The following GNPNAT1 variants were observed in gnomAD, a reference collection of about 807,000 sequenced individuals.
The protein encoded by GNPNAT1 is glucosamine 6-phosphate N-acetyltransferase.
In GNPNAT1, 11 loss-of-function variants were observed where a neutral mutation model predicts 19.8. The ratio of observed to expected loss-of-function variants is 0.56; its 90% CI spans 0.35 to 0.92. GNPNAT1 has a LOEUF of 0.92. Ranked by LOEUF, GNPNAT1 falls within the 40% of genes least tolerant of loss-of-function variation. The probability of loss-of-function intolerance (pLI) is 0.01; values close to 1 mark genes in which losing one functional copy is unlikely to be tolerated. For missense variants in GNPNAT1, 157 were observed against 211.0 expected, an observed-to-expected ratio of 0.74 and a Z score of 1.59; for synonymous variants, 71 against 72.3, an observed-to-expected ratio of 0.98 and a Z score of 0.09.
chr14:52,778,352 C>T lies in GNPNAT1; in HGVS notation c.514G>A (p.Val172Ile), dbSNP rs911639212. 6.2e-7 allele frequency: 1 copy of T among 1,602,482 alleles called. No homozygotes were observed. The highest frequency in any genetic ancestry group is 8.5e-7 in the Non-Finnish European group (1 of 1,176,884). ...CGACACATGTAGTTTTCTTCAGATA[C>T]AGTATATCCAAACTTTTTATAGAAA... ...VGFYKKFGYT[V>I]SEENYMCRRF... Residue 172 changes from valine (V) to isoleucine (I), a missense_variant, in exon 6 of 6, where the codon GTA becomes ATA. By Grantham distance (29) the Val-to-Ile change is conservative. Coordinates refer to ENST00000216410, the MANE Select transcript of GNPNAT1 (RefSeq NM_198066.4).
At chr14:52,778,556 CT>C in intron 5 of GNPNAT1, 98 bp from the exon 6 acceptor site, 1 of 1,057,566 alleles carries the variant, frequency 9.5e-7, no homozygotes, top group African/African-American at 1.7e-5. Context: ...CTTAAGTTTC[CT>C]TAGAAACAGG....
chr14:52,787,790 A>G (rs1385574028), intron 1 of GNPNAT1: 1 of 152,116 alleles, frequency 6.6e-6, no homozygotes, highest in East Asian at 2.0e-4. Context: ...TTAGCAATAA[A>G]TTTAAAATTA....
chr14:52,777,064 T>C lies in GNPNAT1; in HGVS notation c.*1247A>G, dbSNP rs938564703. On this transcript the variant is annotated 3_prime_UTR_variant, in exon 6 of 6. Transcript: ENST00000216410. Reference sequence around the variant, plus strand: ...ATTTCTGTTGTTTTGGAAAGCCAACTATAGCTGGCTGCATGGAGGGAAATC... The same window carrying C: ...ATTTCTGTTGTTTTGGAAAGCCAACCATAGCTGGCTGCATGGAGGGAAATC... The C allele has an allele frequency of 1.3e-5, 2 of 152,250 alleles. No individual in the cohort carries two copies. Among genetic ancestry groups the C allele is most frequent in the Non-Finnish European group, 2.9e-5 (2 of 68,042 alleles). 9.4% of individuals were successfully genotyped at this position (152,250 alleles called of 1,614,324 possible).
Position 52,778,035 on chromosome 14 carries a change from T to C in GNPNAT1, c.*276A>G. On this transcript the variant is annotated 3_prime_UTR_variant, in exon 6 of 6. Coordinates refer to ENST00000216410, the MANE Select transcript of GNPNAT1 (RefSeq NM_198066.4). ...TGACTACCAAGAAAGGAAGCCAAAC[T>C]TTTAGAAAAATACAATGCAAGAAAA... 1 of 207,576 alleles carries C rather than the reference T, an allele frequency of 4.8e-6. No homozygotes were observed. The highest frequency in any genetic ancestry group is 9.5e-6 in the Non-Finnish European group (1 of 105,670). 12.9% of individuals were successfully genotyped at this position (207,576 alleles called of 1,614,324 possible).
intron 3 of GNPNAT1, among the ~76,000 whole-genome samples, chr14:52,782,396 G>A (rs142938711): frequency 2.0e-3 from 297 of 152,124 alleles, no homozygotes; most frequent in African/African-American, 7.0e-3. Flanking sequence ...CCTTTGTGAT[G>A]GAAAGTGTTT....
At chr14:52,781,716 T>C in intron 4 of GNPNAT1, 68 bp downstream of exon 4, 1 of 1,435,436 alleles carries the variant, frequency 7.0e-7, no homozygotes, top group Non-Finnish European at 9.4e-7. Flanking sequence ...AACAGATTTG[T>C]CTAATGGAAA....
rs957079679 is a variant in GNPNAT1 at position 52,775,996 on chromosome 14, T to C, written c.*2315A>G. On this transcript the variant is annotated 3_prime_UTR_variant, in exon 6 of 6. Transcript: ENST00000216410. ...AGTTAAGAGACCAGCCTGGGCAACATAGACTCCACACAAAAAATTTTTTTA... is the reference window on the plus strand; with the variant it reads ...AGTTAAGAGACCAGCCTGGGCAACACAGACTCCACACAAAAAATTTTTTTA... 9 of 152,264 alleles carry C rather than the reference T, an allele frequency of 5.9e-5. No individual in the cohort carries two copies. The highest frequency in any genetic ancestry group is 3.9e-4 in the East Asian group (2 of 5,178). The allele number at this position is 152,264 out of a possible 1,614,324, so 9.4% of individuals were successfully genotyped here. A position where few individuals can be genotyped will look rare whatever the true frequency, so the allele number is the denominator to read the frequency against.
chr14:52,783,432 G>T lies in GNPNAT1; in HGVS notation c.208C>A (p.Gln70Lys). The change falls in exon 3 of 6, where the codon CAA becomes AAA. Residue 70 changes from glutamine (Q) to lysine (K), a missense_variant. By Grantham distance (53) the Gln-to-Lys change is moderately conservative (BLOSUM62 1). Transcript: ENST00000216410. Reference sequence around the variant, plus strand: ...AGGTTATAGTACTTACTCATAAATTGTTCAGGGCTGACAACTCCAGTCTCT... The same window carrying T: ...AGGTTATAGTACTTACTCATAAATTTTTCAGGGCTGACAACTCCAGTCTCT... ...LTETGVVSPE[Q>K]FMKSFEHMKK... 1 of 1,606,098 alleles carries T rather than the reference G, an allele frequency of 6.2e-7. No homozygotes were observed. The highest frequency in any genetic ancestry group is 1.7e-5 in the Admixed American group (1 of 59,852).
chr14:52,776,007 C>G lies in GNPNAT1; in HGVS notation c.*2304G>C, dbSNP rs151164776. On this transcript the variant is annotated 3_prime_UTR_variant, in exon 6 of 6. Coordinates refer to ENST00000216410, the MANE Select transcript of GNPNAT1 (RefSeq NM_198066.4). ...CAGCCTGGGCAACATAGACTCCACA[C>G]AAAAAATTTTTTTAATTAGCTGGGT... 2 of 152,114 alleles carry G rather than the reference C, an allele frequency of 1.3e-5. No individual in the cohort carries two copies. Among genetic ancestry groups the G allele is most frequent in the African/African-American group, 4.8e-5 (2 of 41,374 alleles). The allele number at this position is 152,114 out of a possible 1,614,324, so 9.4% of individuals were successfully genotyped here.
intron 3 of GNPNAT1, 48 bp from the exon 4 acceptor site, chr14:52,781,959 A>C (rs766638709): frequency 1.3e-6 from 2 of 1,507,632 alleles, no homozygotes; most frequent in Non-Finnish European, 1.8e-6. Flanking sequence ...ATTCAATTTT[A>C]TGGGGAGCCA....
rs534437138 is a variant in GNPNAT1 at position 52,788,241 on chromosome 14, T to C, written c.-15+3187A>G. On this transcript the variant is annotated intron_variant, in intron 1 of 5. Transcript: ENST00000216410. ...GCTCAAGTGATCCTCCTACCTCAGC[T>C]TCCCACATCAGCCTCCAGAGTAGTT... 3.3e-5 allele frequency among the ~76,000 whole-genome samples: 5 copies of C among 152,064 alleles called. No individual in the cohort carries two copies. The South Asian group carries it at 1.0e-3, about 32-fold the overall frequency.
Position 52,790,343 on chromosome 14 carries a change from G to A in GNPNAT1, c.-15+1085C>T, listed in dbSNP as rs531919496. Among the ~76,000 whole-genome samples, 3 of 152,202 alleles carry A rather than the reference G, an allele frequency of 2.0e-5. No individual in the cohort carries two copies. The South Asian group carries it at 6.2e-4, about 31-fold the overall frequency. On this transcript the variant is annotated intron_variant, in intron 1 of 5. Coordinates refer to ENST00000216410, the MANE Select transcript of GNPNAT1 (RefSeq NM_198066.4). ...AACCTTCTAAGTACAGGTGAATGGG[G>A]GAGGGGCGGACTTCGGATTCCTTTA...
At chr14:52,789,528 A>G (rs917280221) in intron 1 of GNPNAT1, among the ~76,000 whole-genome samples, 28 of 152,162 alleles carry the variant, frequency 1.8e-4, no homozygotes, top group Non-Finnish European at 2.8e-4. Flanking sequence ...GCTATTCTAC[A>G]AAACAGAGCC....
At chr14:52,787,820 C>A (rs1330632533) in intron 1 of GNPNAT1, 1 of 151,528 alleles carries the variant, frequency 6.6e-6, no homozygotes. Context: ...AATTCTTGTT[C>A]ATTTTTTTTT....
Position 52,775,281 on chromosome 14 carries a change from G to A in GNPNAT1, c.*3030C>T, listed in dbSNP as rs578099249. ...GAATCGTGTTTAAAGGAAAGGGTAG[G>A]TCATCCACAGAACAGCTTTCAGTCA... is the stretch of plus-strand genomic sequence containing the variant. On this transcript the variant is annotated 3_prime_UTR_variant, in exon 6 of 6. Coordinates refer to ENST00000216410, the MANE Select transcript of GNPNAT1 (RefSeq NM_198066.4). 6.6e-6 allele frequency: 1 copy of A among 152,102 alleles called. No homozygotes were observed. The highest frequency in any genetic ancestry group is 1.9e-4 in the East Asian group (1 of 5,158). The allele number at this position is 152,102 out of a possible 1,614,324, so 9.4% of individuals were successfully genotyped here.
chr14:52,785,233 C>T (rs1271408243), intron 1 of GNPNAT1, among the ~76,000 whole-genome samples: 1 of 151,926 alleles, frequency 6.6e-6, no homozygotes, highest in African/African-American at 2.4e-5. Context: ...CGGCTATTAT[C>T]AGGTCTTTTA....
chr14:52,779,568 A>G (rs1040424002), intron 5 of GNPNAT1, among the ~76,000 whole-genome samples: 1 of 151,816 alleles, frequency 6.6e-6, no homozygotes, highest in African/African-American at 2.4e-5. Context: ...TCTCTATAAA[A>G]AATTAGCTGG....
intron 5 of GNPNAT1, among the ~76,000 whole-genome samples, chr14:52,779,595 C>T (rs1397446278): frequency 6.6e-6 from 1 of 151,752 alleles, no homozygotes; most frequent in Non-Finnish European, 1.5e-5. Context: ...CGGCATGCAC[C>T]TGTAGTCCCA....
chr14:52,786,830 T>A (rs1490868572), intron 1 of GNPNAT1, among the ~76,000 whole-genome samples: 1 of 148,478 alleles, frequency 6.7e-6, no homozygotes, highest in Non-Finnish European at 1.5e-5. Context: ...CCAAAATGCT[T>A]GGGACCAGAA....
Sources: allele counts gnomAD v4.1 joint callset (sites outside exome capture counted in the v4.1 genomes callset), GRCh38; gene constraint gnomAD v4.1.1; transcripts MANE v1.5; gene names NCBI Gene and HGNC (gene_info 2026-07-23, HGNC 2026-07-21).